Variants in PRKG1 observed in about 807,000 individuals in gnomAD.
PRKG1 encodes protein kinase cGMP-dependent 1, also known as cGMP-dependent protein kinase 1.
A neutral mutation model predicts 88.1 loss-of-function variants in PRKG1; 35 were observed. The observed-to-expected ratio is 0.40, with a 90% confidence interval of 0.30 to 0.53. PRKG1 has a LOEUF of 0.53. PRKG1 is among the 20% of genes least tolerant of loss of function. The pLI, the probability that PRKG1 is intolerant of heterozygous loss-of-function variation, is 0.59. For synonymous variants in PRKG1, 303 were observed against 292.5 expected (o/e 1.04, Z -0.37); for missense variants, 540 against 839.8 (o/e 0.64, Z 4.41).
chr10:52,082,690 C>A (rs1846808600), intron 7 of PRKG1, among the ~76,000 whole-genome samples: 1 of 152,098 alleles, frequency 6.6e-6, no homozygotes, highest in Non-Finnish European at 1.5e-5. Context: ...CACACACATT[C>A]TTTTTTCTGT....
At chr10:51,090,640 G>A (rs1480228215) in intron 1 of PRKG1, among the ~76,000 whole-genome samples, 1 of 152,106 alleles carries the variant, frequency 6.6e-6, no homozygotes, top group African/African-American at 2.4e-5. Context: ...CTAAAAGACA[G>A]GAAGTGTTAG....
chr10:52,231,411 AAGAGAGAAAG>A, intron 9 of PRKG1: 1 of 152,138 alleles, frequency 6.6e-6, no homozygotes, highest in Admixed American at 6.5e-5. Context: ...GGAAGAAAGA[AAGAGAGAAAG>A]AGAGAGAGAG....
intron 3 of PRKG1, among the ~76,000 whole-genome samples, chr10:51,503,524 G>T (rs1414479547): frequency 6.6e-6 from 1 of 152,116 alleles, no homozygotes; most frequent in African/African-American, 2.4e-5. Flanking sequence ...TCTTCAAATT[G>T]CATTGACCTT....
At chr10:51,058,347 A>T (rs1283503192) in intron 1 of PRKG1, among the ~76,000 whole-genome samples, 1 of 152,068 alleles carries the variant, frequency 6.6e-6, no homozygotes, top group Non-Finnish European at 1.5e-5. Flanking sequence ...AATAGACTTA[A>T]TTTTTTGAGT....
At chr10:51,522,864 A>G (rs145988443) in intron 3 of PRKG1, among the ~76,000 whole-genome samples, 21 of 152,268 alleles carry the variant, frequency 1.4e-4, no homozygotes, top group African/African-American at 5.1e-4. Context: ...TAGAGACTTT[A>G]ATGCTCTTAA....
intron 3 of PRKG1, among the ~76,000 whole-genome samples, chr10:51,558,647 T>C (rs1359256275): frequency 6.6e-6 from 1 of 152,088 alleles, no homozygotes; most frequent in African/African-American, 2.4e-5. Flanking sequence ...TACTCAGTGA[T>C]AAATAAGAAT....
chr10:51,405,718 A>C (rs1205026211), intron 2 of PRKG1, among the ~76,000 whole-genome samples: 1 of 152,160 alleles, frequency 6.6e-6, no homozygotes, highest in Non-Finnish European at 1.5e-5. Context: ...GTGTTTTGGC[A>C]TGAGGCAACC....
chr10:51,644,561 G>A (rs1039458965), intron 3 of PRKG1, among the ~76,000 whole-genome samples: 3 of 151,944 alleles, frequency 2.0e-5, no homozygotes, highest in African/African-American at 7.3e-5. Flanking sequence ...GTTTTATTCT[G>A]AGTTTTTCTA....
At chr10:51,800,473 A>G (rs1197138487) in intron 3 of PRKG1, among the ~76,000 whole-genome samples, 1 of 152,122 alleles carries the variant, frequency 6.6e-6, no homozygotes. Flanking sequence ...CAGTTGGGAA[A>G]AATCATGTAG....
At chr10:51,390,383 A>T (rs552942859) in intron 2 of PRKG1, among the ~76,000 whole-genome samples, 1 of 152,298 alleles carries the variant, frequency 6.6e-6, no homozygotes, top group East Asian at 1.9e-4. Flanking sequence ...ATTCATAGGC[A>T]CTTTGAAACT....
chr10:51,098,567 C>T (rs1844601263), intron 1 of PRKG1, among the ~76,000 whole-genome samples: 1 of 152,066 alleles, frequency 6.6e-6, no homozygotes, highest in Admixed American at 6.6e-5. Context: ...CCTGTGTTAG[C>T]CTTTTTTCAG....
intron 1 of PRKG1, among the ~76,000 whole-genome samples, chr10:51,043,557 G>T (rs980438225): frequency 6.6e-6 from 1 of 152,008 alleles, no homozygotes; most frequent in Non-Finnish European, 1.5e-5. Flanking sequence ...TCTAGTAATG[G>T]TCTGTCTCCT....
At chr10:51,428,021 G>A (rs293331) in intron 2 of PRKG1, among the ~76,000 whole-genome samples, 89,099 of 151,962 alleles carry the variant, frequency 0.59, 26,410 homozygotes, top group African/African-American at 0.65. Flanking sequence ...AGCACAGTAA[G>A]AGTAGAGACA....
chr10:51,845,282 G>A (rs2132788445), intron 4 of PRKG1, among the ~76,000 whole-genome samples: 1 of 152,138 alleles, frequency 6.6e-6, no homozygotes, highest in Admixed American at 6.5e-5. Flanking sequence ...CTTTCCAGAT[G>A]TTATCCTCCT....
chr10:51,782,953 G>A (rs1381832734), intron 3 of PRKG1, among the ~76,000 whole-genome samples: 1 of 151,998 alleles, frequency 6.6e-6, no homozygotes, highest in Non-Finnish European at 1.5e-5. Flanking sequence ...TAACTCTTGA[G>A]TCCTGTCTTT....
chr10:51,808,370 G>T (rs911365184), intron 4 of PRKG1, among the ~76,000 whole-genome samples: 1 of 152,122 alleles, frequency 6.6e-6, no homozygotes, highest in Admixed American at 6.5e-5. Context: ...GCCAAAGTGG[G>T]CGGATTGTTT....
intron 5 of PRKG1, among the ~76,000 whole-genome samples, chr10:52,001,188 T>G (rs1844586344): frequency 6.6e-6 from 1 of 152,028 alleles, no homozygotes; most frequent in South Asian, 2.1e-4. Context: ...TTCCTTCTTT[T>G]TCAAGACTGG....
intron 3 of PRKG1, among the ~76,000 whole-genome samples, chr10:51,743,956 G>A (rs1224381168): frequency 1.3e-5 from 2 of 151,060 alleles, no homozygotes; most frequent in Non-Finnish European, 2.9e-5. Context: ...ACTTCAACAG[G>A]TTGTTTTAAT....
intron 14 of PRKG1, 111 bp downstream of exon 14, chr10:52,282,427 G>C: frequency 9.2e-7 from 1 of 1,086,000 alleles, no homozygotes; most frequent in Non-Finnish European, 1.3e-6. Flanking sequence ...ACCATATCTT[G>C]GTACCACAGT....
Sources: allele counts gnomAD v4.1 joint callset (sites outside exome capture counted in the v4.1 genomes callset), GRCh38; gene constraint gnomAD v4.1.1; transcripts MANE v1.5; gene names NCBI Gene and HGNC (gene_info 2026-07-23, HGNC 2026-07-21).